SLC25A12: variants seen among roughly 807,000 people sequenced by gnomAD.
The protein encoded by SLC25A12 is solute carrier family 25 member 12.
A neutral mutation model predicts 83.3 loss-of-function variants in SLC25A12; 32 were observed. The observed-to-expected ratio is 0.38, with a 90% confidence interval of 0.29 to 0.52. SLC25A12 has a LOEUF of 0.52. Among genes scored for constraint, SLC25A12 ranks in the 20% least tolerant of loss-of-function variants. The pLI, the probability that SLC25A12 is intolerant of heterozygous loss-of-function variation, is 0.84. For synonymous variants in SLC25A12, 267 were observed against 291.1 expected (o/e 0.92, Z 0.84); for missense variants, 611 against 835.6 (o/e 0.73, Z 3.31).
In SLC25A12 at chr2:171,812,620, G is replaced by A. The variant is rs544477376; in HGVS notation, c.1171+719C>T. Among the ~76,000 whole-genome samples, 220 of 45,522 alleles carry A rather than the reference G, an allele frequency of 4.8e-3. 1 individual carries two copies. Among genetic ancestry groups the A allele is most frequent in the African/African-American group, 8.4e-3 (210 of 24,854 alleles). The allele number at this position is 45,522 out of a possible 152,430, so 29.9% of individuals were successfully genotyped here. On this transcript the variant is annotated intron_variant, in intron 11 of 17. Transcript: ENST00000422440. ...AGAGACAAGTTCCTACAAAGACAACGGGGGGTGGGGAAAATTCTGCATGGG... is the reference window on the plus strand; with the variant it reads ...AGAGACAAGTTCCTACAAAGACAACAGGGGGTGGGGAAAATTCTGCATGGG...
chr2:171,854,621 T>C (rs1323550108), intron 4 of SLC25A12, among the ~76,000 whole-genome samples: 1 of 152,126 alleles, frequency 6.6e-6, no homozygotes, highest in Non-Finnish European at 1.5e-5. Context: ...AGTCTTCTCA[T>C]ACAGAAGATA....
intron 5 of SLC25A12, among the ~76,000 whole-genome samples, chr2:171,838,612 A>T (rs1357780984): frequency 6.6e-6 from 1 of 152,224 alleles, no homozygotes; most frequent in Non-Finnish European, 1.5e-5. Flanking sequence ...AACACTCAGT[A>T]CTAAAGAAGA....
At chr2:171,881,198 G>T (rs1685687184) in intron 2 of SLC25A12, among the ~76,000 whole-genome samples, 1 of 152,008 alleles carries the variant, frequency 6.6e-6, no homozygotes, top group African/African-American at 2.4e-5. Flanking sequence ...AGCCACCCAG[G>T]CTGGAGTGGA....
At chr2:171,821,927 T>C (rs1684201749) in intron 9 of SLC25A12, among the ~76,000 whole-genome samples, 1 of 152,208 alleles carries the variant, frequency 6.6e-6, no homozygotes, top group African/African-American at 2.4e-5. Context: ...AAATAGAATA[T>C]CTTGTGTTAT....
intron 6 of SLC25A12, among the ~76,000 whole-genome samples, chr2:171,835,261 T>C (rs1274463086): frequency 6.6e-6 from 1 of 152,230 alleles, no homozygotes; most frequent in African/African-American, 2.4e-5. Flanking sequence ...TTTAACCTTG[T>C]TTTTTTCCTT....
At chr2:171,868,347 CTG>C (rs1685386999) in intron 3 of SLC25A12, among the ~76,000 whole-genome samples, 1 of 123,818 alleles carries the variant, frequency 8.1e-6, no homozygotes, top group Non-Finnish European at 1.6e-5. Flanking sequence ...GAGTTTCGCT[CTG>C]GTTGCCCAGG....
chr2:171,849,345 T>A (rs1558930315), intron 4 of SLC25A12, among the ~76,000 whole-genome samples: 1 of 138,590 alleles, frequency 7.2e-6, no homozygotes, highest in African/African-American at 2.7e-5. Flanking sequence ...CCTTGAGTAC[T>A]AAAAAAAAAA....
At chr2:171,828,743 A>G (rs574502123) in intron 8 of SLC25A12, among the ~76,000 whole-genome samples, 1 of 152,346 alleles carries the variant, frequency 6.6e-6, no homozygotes, top group African/African-American at 2.4e-5. Context: ...TCCTATTATT[A>G]AAGTTCATGG....
chr2:171,811,562 C>T (rs1008252425), intron 11 of SLC25A12, among the ~76,000 whole-genome samples: 1 of 152,194 alleles, frequency 6.6e-6, no homozygotes, highest in Non-Finnish European at 1.5e-5. Flanking sequence ...TTTTGTCAAT[C>T]ATCTGACAGA....
At chr2:171,831,831 G>A (rs981636921) in intron 8 of SLC25A12, among the ~76,000 whole-genome samples, 13 of 151,618 alleles carry the variant, frequency 8.6e-5, no homozygotes, top group South Asian at 4.2e-4. Context: ...CCCAGGAGGC[G>A]GAGGTTGCAG....
intron 4 of SLC25A12, among the ~76,000 whole-genome samples, chr2:171,848,005 T>C (rs995814584): frequency 7.2e-5 from 11 of 152,196 alleles, no homozygotes; most frequent in African/African-American, 2.7e-4. Context: ...TTGGACTAGA[T>C]GAAATACACA....
At chr2:171,852,401 TATC>T in intron 4 of SLC25A12, among the ~76,000 whole-genome samples, 1 of 152,350 alleles carries the variant, frequency 6.6e-6, no homozygotes, top group East Asian at 1.9e-4. Context: ...CAGATAACAT[TATC>T]ATCATAGTCT....
intron 13 of SLC25A12, among the ~76,000 whole-genome samples, chr2:171,805,390 C>A: frequency 6.6e-6 from 1 of 152,062 alleles, no homozygotes; most frequent in East Asian, 1.9e-4. Flanking sequence ...GGATTACAGG[C>A]GTGAGCCACC....
At chr2:171,824,375 T>G (rs1684256087) in intron 9 of SLC25A12, among the ~76,000 whole-genome samples, 2 of 152,120 alleles carry the variant, frequency 1.3e-5, no homozygotes. Flanking sequence ...GGAAAATTGC[T>G]AGGGGCAAGA....
intron 1 of SLC25A12, 116 bp from the exon 2 acceptor site, chr2:171,893,374 T>A: frequency 1.1e-6 from 1 of 897,346 alleles, no homozygotes; most frequent in Non-Finnish European, 1.8e-6. Flanking sequence ...TCATTTAGTT[T>A]AAAACAAACT....
intron 8 of SLC25A12, among the ~76,000 whole-genome samples, chr2:171,829,710 C>T (rs1684389095): frequency 6.6e-6 from 1 of 152,182 alleles, no homozygotes; most frequent in Non-Finnish European, 1.5e-5. Flanking sequence ...AGATAGGTTC[C>T]AAGCTTTGAC....
At chr2:171,820,461 G>A (rs1684162532) in intron 9 of SLC25A12, among the ~76,000 whole-genome samples, 1 of 151,806 alleles carries the variant, frequency 6.6e-6, no homozygotes, top group Non-Finnish European at 1.5e-5. Flanking sequence ...GGGCGCGGTG[G>A]CTCACGCCTG....
chr2:171,817,600 C>CAAAAAACAAA (rs1684080803), intron 9 of SLC25A12, among the ~76,000 whole-genome samples: 1 of 64,252 alleles, frequency 1.6e-5, no homozygotes, highest in Non-Finnish European at 2.7e-5. Flanking sequence ...GACTCTGCCT[C>CAAAAAACAAA]AAAAAAAAAA....
intron 2 of SLC25A12, among the ~76,000 whole-genome samples, chr2:171,877,626 C>G (rs1685598666): frequency 6.7e-6 from 1 of 149,520 alleles, no homozygotes; most frequent in African/African-American, 2.5e-5. Context: ...GATCGTGCCA[C>G]TCACTGCACT....
Sources: gnomAD v4.1 joint callset for allele counts (sites outside exome capture counted in the v4.1 genomes callset) on GRCh38, gnomAD v4.1.1 for gene constraint, MANE v1.5 for transcripts, NCBI Gene and HGNC (gene_info 2026-07-23, HGNC 2026-07-21) for gene names.